Variants in PUDP observed in about 807,000 individuals in gnomAD.
PUDP encodes the protein pseudouridine-5'-phosphatase.
In PUDP, 8 loss-of-function variants were observed where a neutral mutation model predicts 9.4. The ratio of observed to expected loss-of-function variants is 0.85; its 90% CI spans 0.50 to 1.53. The LOEUF (loss-of-function observed/expected upper bound fraction) is 1.53, where lower values mean the gene tolerates loss of function less well. Ranked by LOEUF, PUDP falls within the 40% of genes most tolerant of loss-of-function variation. The pLI, the probability that PUDP is intolerant of heterozygous loss-of-function variation, is 0.00. For synonymous variants in PUDP, 99 were observed against 80.7 expected (o/e 1.23, Z -1.22); for missense variants, 188 against 189.7 (o/e 0.99, Z 0.05).
intron 3 of PUDP, among the ~76,000 whole-genome samples, chrX:6,924,204 C>A (rs772805035): frequency 2.6e-4 from 29 of 111,634 alleles, no homozygotes; most frequent in Admixed American, 1.7e-3. Context: ...GTATTTATTA[C>A]ATCTGTTACC....
chrX:6,773,179 C>G (rs1218484046), intron 3 of PUDP, among the ~76,000 whole-genome samples: 6 of 112,019 alleles, frequency 5.4e-5, no homozygotes, highest in Admixed American at 4.7e-4. Context: ...GTTGTGCTGT[C>G]TTGGCTTTTC....
chrX:6,941,472 G>A (rs1928399458), intron 3 of PUDP, among the ~76,000 whole-genome samples: 1 of 107,193 alleles, frequency 9.3e-6, no homozygotes, highest in Non-Finnish European at 1.9e-5. Flanking sequence ...GGGACCACAG[G>A]TGCACACTAC....
intron 3 of PUDP, among the ~76,000 whole-genome samples, chrX:6,790,034 T>C (rs143857526): frequency 0.039 from 4,254 of 110,211 alleles, 142 homozygotes; most frequent in South Asian, 0.22. Flanking sequence ...AGGTAGATGA[T>C]TGATAGATAC....
intron 1 of PUDP, among the ~76,000 whole-genome samples, chrX:7,028,105 CAGAT>C (rs1472576688): frequency 9.4e-6 from 1 of 106,216 alleles, no homozygotes; most frequent in African/African-American, 3.4e-5. Context: ...TAGTCTAGTA[CAGAT>C]AGACAATATT....
chrX:6,975,833 A>G (rs1287736608), intron 3 of PUDP, among the ~76,000 whole-genome samples: 1 of 112,137 alleles, frequency 8.9e-6, no homozygotes, highest in Non-Finnish European at 1.9e-5. Context: ...GCTCTGTCTC[A>G]GGGAGATGGG....
intron 1 of PUDP, among the ~76,000 whole-genome samples, chrX:7,041,212 C>G (rs1297544671): frequency 9.0e-6 from 1 of 111,433 alleles, no homozygotes; most frequent in African/African-American, 3.3e-5. Flanking sequence ...GGGCAGGAAG[C>G]GAGAGTTTGG....
intron 3 of PUDP, among the ~76,000 whole-genome samples, chrX:6,791,338 A>C (rs753370948): frequency 3.7e-5 from 4 of 108,654 alleles, no homozygotes; most frequent in Non-Finnish European, 7.6e-5. Context: ...AAAAAGAAGA[A>C]GGAAAAGAAA....
At chrX:6,986,994 C>A (rs774821073) in intron 1 of PUDP, among the ~76,000 whole-genome samples, 7 of 111,818 alleles carry the variant, frequency 6.3e-5, no homozygotes, top group Non-Finnish European at 1.1e-4. Context: ...TGCCAAGACC[C>A]ACCCCATTTC....
intron 2 of PUDP, among the ~76,000 whole-genome samples, chrX:7,103,643 T>C (rs1397570155): frequency 8.9e-6 from 1 of 112,217 alleles, no homozygotes; most frequent in Non-Finnish European, 1.9e-5. Context: ...AAAATGGTCA[T>C]AAGTCATATG....
intron 1 of PUDP, among the ~76,000 whole-genome samples, chrX:7,130,684 G>A (rs954406550): frequency 1.8e-5 from 2 of 109,917 alleles, no homozygotes; most frequent in Non-Finnish European, 3.8e-5. Context: ...TGCACGGCTC[G>A]AGACCAGCCT....
intron 3 of PUDP, among the ~76,000 whole-genome samples, chrX:7,060,801 G>A (rs915904136): frequency 8.9e-6 from 1 of 112,454 alleles, no homozygotes; most frequent in African/African-American, 3.2e-5. Flanking sequence ...CCTCTTGCAG[G>A]AATGGTTGCT....
intron 1 of PUDP, among the ~76,000 whole-genome samples, chrX:7,019,480 T>C (rs1929599217): frequency 8.9e-6 from 1 of 112,017 alleles, no homozygotes; most frequent in Non-Finnish European, 1.9e-5. Flanking sequence ...GCAGCCAGGC[T>C]TTCTCGGAGA....
intron 3 of PUDP, among the ~76,000 whole-genome samples, chrX:6,814,981 C>G (rs1277446611): frequency 9.0e-6 from 1 of 111,153 alleles, no homozygotes; most frequent in Admixed American, 9.6e-5. Context: ...TTCTGTGTCT[C>G]CTTTAAACTC....
intron 3 of PUDP, among the ~76,000 whole-genome samples, chrX:6,806,855 T>G (rs1926058425): frequency 1.8e-5 from 2 of 112,423 alleles, no homozygotes; most frequent in South Asian, 7.4e-4. Context: ...GGCATCAAAA[T>G]AGCTGTGCTA....
chrX:6,732,282 C>T (rs887626575), intron 3 of PUDP, among the ~76,000 whole-genome samples: 4 of 109,951 alleles, frequency 3.6e-5, no homozygotes, highest in African/African-American at 1.0e-4. Context: ...TTTGCATTTT[C>T]GTGTCCTGGG....
At chrX:6,945,235 A>G (rs1928448155) in intron 3 of PUDP, among the ~76,000 whole-genome samples, 1 of 111,274 alleles carries the variant, frequency 9.0e-6, no homozygotes, top group Non-Finnish European at 1.9e-5. Flanking sequence ...TTTGATGTCA[A>G]CAGTGTGTTG....
At chrX:6,831,109 G>A (rs1022896030) in intron 3 of PUDP, among the ~76,000 whole-genome samples, 1 of 111,416 alleles carries the variant, frequency 9.0e-6, no homozygotes. Context: ...CTTGTGCTGA[G>A]TCAGTTCCTG....
At chrX:6,756,644 G>A (rs1287263828) in intron 3 of PUDP, among the ~76,000 whole-genome samples, 1 of 112,497 alleles carries the variant, frequency 8.9e-6, no homozygotes, top group Non-Finnish European at 1.9e-5. Context: ...CTAGATGGCT[G>A]ACCATGAAGA....
chrX:7,003,706 C>T (rs1396553113), intron 1 of PUDP, among the ~76,000 whole-genome samples: 1 of 111,717 alleles, frequency 9.0e-6, no homozygotes, highest in Non-Finnish European at 1.9e-5. Context: ...GAGCACATAC[C>T]TGCTGAGTTT....
Sources: allele counts gnomAD v4.1 joint callset (sites outside exome capture counted in the v4.1 genomes callset), GRCh38; gene constraint gnomAD v4.1.1; transcripts MANE v1.5; gene names NCBI Gene and HGNC (gene_info 2026-07-23, HGNC 2026-07-21).